The following RBFOX1 variants were observed in gnomAD, a reference collection of about 807,000 sequenced individuals.
The protein encoded by RBFOX1 is RNA binding protein fox-1 homolog 1.
Under a neutral mutation model 57.7 loss-of-function variants are expected in RBFOX1, and 8 were observed. That is an observed-to-expected ratio of 0.14 (90% confidence interval 0.08 to 0.25). The LOEUF (loss-of-function observed/expected upper bound fraction) is 0.25, where lower values mean the gene tolerates loss of function less well. Ranked by LOEUF, RBFOX1 falls within the 10% of genes least tolerant of loss-of-function variation. The probability of loss-of-function intolerance (pLI) is 1.00; values close to 1 mark genes in which losing one functional copy is unlikely to be tolerated. For synonymous variants in RBFOX1, 326 were observed against 222.4 expected (o/e 1.47, Z -4.15); for missense variants, 611 against 548.5 (o/e 1.11, Z -1.14).
At chr16:6,173,357 G>C (rs2096976300) in intron 1 of RBFOX1, among the ~76,000 whole-genome samples, 1 of 152,196 alleles carries the variant, frequency 6.6e-6, no homozygotes, top group South Asian at 2.1e-4. Context: ...AAAGTGCCTA[G>C]TGGGATACCT....
chr16:7,507,433 C>A (rs921196571), intron 4 of RBFOX1, among the ~76,000 whole-genome samples: 4 of 152,138 alleles, frequency 2.6e-5, no homozygotes, highest in African/African-American at 4.8e-5. Flanking sequence ...GAACATTTTT[C>A]TCCAGGATTG....
intron 1 of RBFOX1, among the ~76,000 whole-genome samples, chr16:5,316,541 C>A (rs192902912): frequency 1.5e-4 from 23 of 152,336 alleles, no homozygotes; most frequent in African/African-American, 5.5e-4. Context: ...TGCCATGTAC[C>A]AATAACTGGG....
chr16:7,106,457 A>G (rs2063600662), intron 4 of RBFOX1, among the ~76,000 whole-genome samples: 1 of 152,092 alleles, frequency 6.6e-6, no homozygotes, highest in Non-Finnish European at 1.5e-5. Flanking sequence ...CACCCTTGGG[A>G]TTGTAAGTGA....
At position 6,829,322 on chromosome 16, in the gene RBFOX1, A is replaced by G. The variant is rs1225785417; in HGVS notation, c.-16+174672A>G. 2.0e-5 allele frequency among the ~76,000 whole-genome samples: 3 copies of G among 152,042 alleles called. No homozygotes were observed. In the East Asian group the frequency reaches 5.8e-4, roughly 29 times the overall value. On this transcript the variant is annotated intron_variant, in intron 3 of 15. Transcript: ENST00000550418. ...AGGAATTTAATCTACATAAATACAT[A>G]TATAAGGAGGCAAGAATATGTGAGG...
intron 4 of RBFOX1, among the ~76,000 whole-genome samples, chr16:7,306,648 A>G (rs918858814): frequency 2.0e-5 from 3 of 152,026 alleles, no homozygotes; most frequent in Non-Finnish European, 4.4e-5. Flanking sequence ...TAATAAAGGC[A>G]GTCATTTATT....
chr16:5,970,314 C>G (rs2059937402), intron 4 of RBFOX1, among the ~76,000 whole-genome samples: 1 of 151,970 alleles, frequency 6.6e-6, no homozygotes, highest in Non-Finnish European at 1.5e-5. Context: ...GAATTAGAGA[C>G]TATATGGCCA....
rs1463515789 is a variant in RBFOX1 at position 6,853,503 on chromosome 16, C to G, written c.-15-198554C>G. Among the ~76,000 whole-genome samples the G allele has an allele frequency of 2.0e-5, 3 of 152,020 alleles. No homozygotes were observed. The East Asian group carries it at 5.8e-4, about 29-fold the overall frequency. On this transcript the variant is annotated intron_variant, in intron 3 of 15. Coordinates refer to ENST00000550418, the MANE Select transcript of RBFOX1 (RefSeq NM_018723.4). ...CTACAGTGTGGTGCTCGAGGACAAT[C>G]CCTGTCTGCTTGGGACTCTGACAGT...
chr16:7,530,046 C>G (rs948497248), intron 5 of RBFOX1, among the ~76,000 whole-genome samples: 2 of 150,862 alleles, frequency 1.3e-5, no homozygotes, highest in Non-Finnish European at 2.9e-5. Context: ...AACCTGAACC[C>G]TTTAAGGGAG....
chr16:6,112,178 G>A lies in RBFOX1; in HGVS notation c.-127+92186G>A, dbSNP rs191197048. ...TTAAGTTCTTCATTGTTATGAAGAA[G>A]GTAATACATTCTGTGGACTTTAAGA... On this transcript the variant is annotated intron_variant, in intron 1 of 15. Coordinates refer to ENST00000550418, the MANE Select transcript of RBFOX1 (RefSeq NM_018723.4). 6.6e-5 allele frequency among the ~76,000 whole-genome samples: 10 copies of A among 152,202 alleles called. No individual in the cohort carries two copies. The East Asian group carries it at 1.9e-3, about 29-fold the overall frequency.
At chr16:7,323,510 C>G (rs1309306090) in intron 4 of RBFOX1, among the ~76,000 whole-genome samples, 1 of 152,160 alleles carries the variant, frequency 6.6e-6, no homozygotes, top group Non-Finnish European at 1.5e-5. Flanking sequence ...AAAAAGAAAG[C>G]CTTCTTATAG....
At chr16:6,056,881 C>G (rs540938507) in intron 1 of RBFOX1, 1 of 146,980 alleles carries the variant, frequency 6.8e-6, no homozygotes, top group Non-Finnish European at 1.5e-5. Flanking sequence ...AAGTGAGCTG[C>G]ATACAGAAAG....
chr16:7,692,674 TAA>T (rs1375260278), intron 14 of RBFOX1, among the ~76,000 whole-genome samples: 3 of 152,188 alleles, frequency 2.0e-5, no homozygotes, highest in Non-Finnish European at 2.9e-5. Flanking sequence ...GGAAACGTCT[TAA>T]GAGAGTTTTA....
intron 3 of RBFOX1, among the ~76,000 whole-genome samples, chr16:6,800,785 C>T (rs987315907): frequency 6.6e-6 from 1 of 152,024 alleles, no homozygotes; most frequent in Non-Finnish European, 1.5e-5. Context: ...GACAAAGTAG[C>T]TTTTGAAACT....
At chr16:7,178,511 A>G (rs989022155) in intron 4 of RBFOX1, among the ~76,000 whole-genome samples, 1 of 152,218 alleles carries the variant, frequency 6.6e-6, no homozygotes, top group African/African-American at 2.4e-5. Context: ...ACTGATAATC[A>G]TTACTAAACA....
At chr16:6,575,731 C>A (rs1278164787) in intron 2 of RBFOX1, among the ~76,000 whole-genome samples, 1 of 151,692 alleles carries the variant, frequency 6.6e-6, no homozygotes, top group African/African-American at 2.4e-5. Context: ...GTAGCAGACG[C>A]CTGTAATCCC....
At chr16:5,411,870 G>A (rs548101984) in intron 1 of RBFOX1, among the ~76,000 whole-genome samples, 2 of 152,276 alleles carry the variant, frequency 1.3e-5, no homozygotes, top group South Asian at 4.1e-4. Context: ...GTGACAGAGT[G>A]AGACCCTGTC....
At chr16:5,549,344 T>C (rs2045364065) in intron 2 of RBFOX1, among the ~76,000 whole-genome samples, 1 of 152,196 alleles carries the variant, frequency 6.6e-6, no homozygotes, top group African/African-American at 2.4e-5. Context: ...CCCCTGCTGG[T>C]AACTGGATCT....
chr16:5,394,940 G>A (rs760840930), intron 1 of RBFOX1, among the ~76,000 whole-genome samples: 2 of 152,034 alleles, frequency 1.3e-5, no homozygotes, highest in Admixed American at 6.6e-5. Context: ...GTGTCCAGCC[G>A]GCATGATTCT....
In RBFOX1 at chr16:5,998,244, G is replaced by T. The variant is rs538845981; in HGVS notation, c.351+130909G>T. On this transcript the variant is annotated intron_variant, in intron 4 of 19. Transcript: ENST00000641259. ...TCCTCTGATGTGGAAGGTTTATCCTGGATCTCTCCCTTAGATCTCTTTGAT... is the reference window on the plus strand; with the variant it reads ...TCCTCTGATGTGGAAGGTTTATCCTTGATCTCTCCCTTAGATCTCTTTGAT... Among the ~76,000 whole-genome samples, 2 of 152,102 alleles carry T rather than the reference G, an allele frequency of 1.3e-5. 1 individual carries two copies. Among genetic ancestry groups the T allele is most frequent in the Non-Finnish European group, 2.9e-5 (2 of 68,024 alleles).
Sources: gnomAD v4.1 joint callset for allele counts (sites outside exome capture counted in the v4.1 genomes callset) on GRCh38, gnomAD v4.1.1 for gene constraint, MANE v1.5 for transcripts, NCBI Gene and HGNC (gene_info 2026-07-23, HGNC 2026-07-21) for gene names.